Variants in GALNT8 observed in about 807,000 individuals in gnomAD.
The protein encoded by GALNT8 is polypeptide N-acetylgalactosaminyltransferase 8.
Under a neutral mutation model 62.7 loss-of-function variants are expected in GALNT8, and 66 were observed. The ratio of observed to expected loss-of-function variants is 1.05; its 90% confidence interval spans 0.86 to 1.29. The LOEUF is 1.29. Among genes scored for constraint, GALNT8 ranks in the 50% most tolerant of loss-of-function variants. The pLI, the probability that GALNT8 is intolerant of heterozygous loss-of-function variation, is 0.00. For synonymous variants in GALNT8, 288 were observed against 294.3 expected (o/e 0.98, Z 0.22); for missense variants, 771 against 791.8 (o/e 0.97, Z 0.32).
At chr12:4,763,581 T>C (rs1475878201) in intron 8 of GALNT8, among the ~76,000 whole-genome samples, 191 bp downstream of exon 8, 1 of 152,204 alleles carries the variant, frequency 6.6e-6, no homozygotes, top group Non-Finnish European at 1.5e-5. Flanking sequence ...TTTCCTTCTC[T>C]CTGCTTCTAC....
rs1035331646 is a variant in GALNT8, at chr12:4,763,326, A to G, written c.1433A>G (p.Asp478Gly). 2 of 1,610,996 alleles carry G rather than the reference A, an allele frequency of 1.2e-6. No homozygotes were observed. The highest frequency in any genetic ancestry group is 2.7e-5 in the African/African-American group (2 of 74,854). The change falls in exon 8 of 11, where the codon GAC becomes GGC. Residue 478 changes from aspartate to glycine, a missense_variant. Physicochemically the swap from Asp to Gly is moderately conservative, Grantham distance 94 (BLOSUM62 -1). Transcript: ENST00000252318. ...LREKLKCKTF[D>G]WYLKNVYPLL... is the part of the protein sequence containing the mutation. ...GAAAAACTGAAATGTAAAACTTTTGACTGGTACCTGAAAAATGTTTATCCA... is the reference window on the plus strand; with the variant it reads ...GAAAAACTGAAATGTAAAACTTTTGGCTGGTACCTGAAAAATGTTTATCCA...
intron 2 of GALNT8, among the ~76,000 whole-genome samples, chr12:4,731,059 A>G (rs536079783): frequency 6.6e-6 from 1 of 152,004 alleles, no homozygotes; most frequent in African/African-American, 2.4e-5. Flanking sequence ...CATGGTCTCT[A>G]TCTCCTGACC....
At chr12:4,744,809 C>A in intron 4 of GALNT8, 109 bp downstream of exon 4, 1 of 699,468 alleles carries the variant, frequency 1.4e-6, no homozygotes, top group Non-Finnish European at 2.3e-6. Context: ...AGCACCAGGC[C>A]TTAAATAAAG....
chr12:4,733,998 G>A (rs1367578194), intron 2 of GALNT8, among the ~76,000 whole-genome samples: 3 of 152,140 alleles, frequency 2.0e-5, no homozygotes, highest in African/African-American at 4.8e-5. Context: ...CATTGTCTAC[G>A]TAATAATGAC....
At chr12:4,729,316 A>G (rs760534757) in intron 2 of GALNT8, among the ~76,000 whole-genome samples, 2 of 152,180 alleles carry the variant, frequency 1.3e-5, no homozygotes, top group Non-Finnish European at 2.9e-5. Context: ...TTTCAAGAAT[A>G]CCACATATTG....
chr12:4,770,039 C>G (rs1332990177), intron 10 of GALNT8, among the ~76,000 whole-genome samples: 1 of 152,192 alleles, frequency 6.6e-6, no homozygotes, highest in African/African-American at 2.4e-5. Context: ...TGGCTCACGC[C>G]TATAACCCCA....
At chr12:4,759,603 C>G (rs770878274) in intron 6 of GALNT8, among the ~76,000 whole-genome samples, 4 of 150,984 alleles carry the variant, frequency 2.6e-5, no homozygotes, top group Non-Finnish European at 5.9e-5. Flanking sequence ...GAAGGGGAAT[C>G]TAGGGTTTTA....
intron 1 of GALNT8, among the ~76,000 whole-genome samples, chr12:4,724,186 A>G (rs1012890352): frequency 6.6e-6 from 1 of 151,646 alleles, no homozygotes; most frequent in Non-Finnish European, 1.5e-5. Flanking sequence ...TCAGAAGTCA[A>G]TAAGGATACT....
At chr12:4,763,196 G>A (rs975434632) in intron 7 of GALNT8, 57 bp from the exon 8 acceptor site, 246 of 1,483,182 alleles carry the variant, frequency 1.7e-4, no homozygotes, top group Admixed American at 8.5e-5. Flanking sequence ...TATTTAGTTC[G>A]CTTTAACAGA....
intron 2 of GALNT8, among the ~76,000 whole-genome samples, chr12:4,729,040 A>C (rs1946208924): frequency 6.6e-6 from 1 of 152,112 alleles, no homozygotes; most frequent in Admixed American, 6.6e-5. Context: ...TTCTTTCAAC[A>C]ATGTTTTGAG....
chr12:4,721,827 G>A (rs1415181456), intron 1 of GALNT8, among the ~76,000 whole-genome samples: 1 of 152,180 alleles, frequency 6.6e-6, no homozygotes, highest in East Asian at 1.9e-4. Flanking sequence ...TTCCCACGAG[G>A]CCATATTTCA....
At chr12:4,752,738 G>A (rs111785154) in intron 6 of GALNT8, among the ~76,000 whole-genome samples, 1 of 152,092 alleles carries the variant, frequency 6.6e-6, no homozygotes, top group Non-Finnish European at 1.5e-5. Flanking sequence ...ATATTCTGTG[G>A]TTTTCTGTGT....
At chr12:4,739,443 A>G in intron 3 of GALNT8, 114 bp downstream of exon 3, 1 of 718,980 alleles carries the variant, frequency 1.4e-6, no homozygotes, top group Non-Finnish European at 2.3e-6. Context: ...ATGTAGGGAA[A>G]ATAAAAAGAT....
At position 4,754,512 on chromosome 12, in the gene GALNT8, C is replaced by T. The variant is rs190137796; in HGVS notation, c.1174-6446C>T. On this transcript the variant is annotated intron_variant, in intron 6 of 10. Coordinates refer to ENST00000252318, the MANE Select transcript of GALNT8 (RefSeq NM_017417.2). The stretch of plus-strand genomic sequence containing the variant: ...CACAGGGAGTCCTGCCAGACTACCA[C>T]TCATGTTCCCTTAGGGCCCAAGGAC... Among the ~76,000 whole-genome samples the T allele has an allele frequency of 1.6e-3, 242 of 152,264 alleles. 2 individuals carry two copies. Among genetic ancestry groups the T allele is most frequent in the Non-Finnish European group, 5.0e-4 (34 of 68,016 alleles).
chr12:4,745,670 G>A, intron 5 of GALNT8, 44 bp downstream of exon 5: 1 of 1,415,226 alleles, frequency 7.1e-7, no homozygotes, highest in Non-Finnish European at 1.0e-6. Flanking sequence ...CATGTGGGAA[G>A]GCAGGAATGA....
intron 10 of GALNT8, among the ~76,000 whole-genome samples, chr12:4,767,737 A>G (rs1946406017): frequency 6.6e-6 from 1 of 152,236 alleles, no homozygotes; most frequent in South Asian, 2.1e-4. Context: ...GATGGCCTTA[A>G]TCATATCTTT....
At chr12:4,750,219 C>T (rs893706964) in intron 6 of GALNT8, among the ~76,000 whole-genome samples, 4 of 151,574 alleles carry the variant, frequency 2.6e-5, no homozygotes, top group African/African-American at 7.3e-5. Flanking sequence ...GGGGTACTAG[C>T]GCAGGTTTGT....
chr12:4,755,840 G>A (rs1946342179), intron 6 of GALNT8, among the ~76,000 whole-genome samples: 1 of 152,222 alleles, frequency 6.6e-6, no homozygotes, highest in African/African-American at 2.4e-5. Flanking sequence ...GTGCCTTAAA[G>A]CAGCAATAAT....
At chr12:4,747,527 CTA>C (rs1349035593) in intron 6 of GALNT8, among the ~76,000 whole-genome samples, 2 of 152,138 alleles carry the variant, frequency 1.3e-5, no homozygotes, top group African/African-American at 4.8e-5. Context: ...CCAGTTCCAT[CTA>C]TGTTGTTGCA....
Sources: gnomAD v4.1 joint callset for allele counts (sites outside exome capture counted in the v4.1 genomes callset) on GRCh38, gnomAD v4.1.1 for gene constraint, MANE v1.5 for transcripts, NCBI Gene and HGNC (gene_info 2026-07-23, HGNC 2026-07-21) for gene names.